The following SETBP1 variants were observed in gnomAD, a reference collection of about 807,000 sequenced individuals.
The protein encoded by SETBP1 is SET-binding protein.
In SETBP1, 9 loss-of-function variants were observed where a neutral mutation model predicts 101.0. The observed-to-expected ratio is 0.09, with a 90% CI of 0.05 to 0.16. SETBP1 has a LOEUF of 0.16. Among genes scored for constraint, SETBP1 ranks in the 10% least tolerant of loss-of-function variants. SETBP1 has a pLI of 1.00. For missense variants in SETBP1, 1,858 were observed against 2,033.8 expected (o/e 0.91, Z 1.66); for synonymous variants, 818 against 788.5 (o/e 1.04, Z -0.63).
intron 2 of SETBP1, among the ~76,000 whole-genome samples, chr18:44,714,339 C>T (rs1441831660): frequency 6.6e-6 from 1 of 152,098 alleles, no homozygotes; most frequent in Non-Finnish European, 1.5e-5. Context: ...GCTGGGACTA[C>T]AGGTGCATGC....
intron 3 of SETBP1, among the ~76,000 whole-genome samples, chr18:44,872,503 T>C (rs2069300308): frequency 1.3e-5 from 2 of 152,290 alleles, no homozygotes; most frequent in South Asian, 2.1e-4. Flanking sequence ...CTTGCACTAG[T>C]TGTTAGTACC....
Position 45,046,139 on chromosome 18 carries a change from G to C in SETBP1, c.4171+7484G>C, listed in dbSNP as rs538837563. Among the ~76,000 whole-genome samples the C allele has an allele frequency of 2.6e-5, 4 of 152,292 alleles. No homozygotes were observed. The East Asian group carries it at 7.7e-4, about 29-fold the overall frequency. Reference sequence around the variant, plus strand: ...ACCTGTGTCCCACAGTGGACCAAAGGATCGCATAGTCCCTGTGGCCAGATC... The same window carrying C: ...ACCTGTGTCCCACAGTGGACCAAAGCATCGCATAGTCCCTGTGGCCAGATC... On this transcript the variant is annotated intron_variant, in intron 5 of 5. Coordinates refer to ENST00000649279, the MANE Select transcript of SETBP1 (RefSeq NM_015559.3).
At chr18:44,857,442 G>T (rs2073000752) in intron 2 of SETBP1, among the ~76,000 whole-genome samples, 1 of 152,200 alleles carries the variant, frequency 6.6e-6, no homozygotes, top group Non-Finnish European at 1.5e-5. Context: ...CATGTTAGAG[G>T]TGGGGAATAT....
At chr18:44,716,829 C>T (rs927134153) in intron 2 of SETBP1, among the ~76,000 whole-genome samples, 2 of 152,184 alleles carry the variant, frequency 1.3e-5, no homozygotes, top group African/African-American at 4.8e-5. Flanking sequence ...TCCGAAAGTG[C>T]TGGGATTATG....
At chr18:45,018,091 C>A (rs910684679) in intron 4 of SETBP1, among the ~76,000 whole-genome samples, 3 of 152,178 alleles carry the variant, frequency 2.0e-5, no homozygotes, top group Admixed American at 1.3e-4. Flanking sequence ...ATTCTAACAT[C>A]TGGGCTACAG....
chr18:44,745,253 T>C (rs1449573664), intron 2 of SETBP1, among the ~76,000 whole-genome samples: 4 of 152,244 alleles, frequency 2.6e-5, no homozygotes, highest in African/African-American at 9.7e-5. Flanking sequence ...CTTGTGTATG[T>C]ACACCTAGGT....
At chr18:44,848,138 CA>C (rs1170632098) in intron 2 of SETBP1, among the ~76,000 whole-genome samples, 1 of 151,392 alleles carries the variant, frequency 6.6e-6, no homozygotes, top group African/African-American at 2.4e-5. Context: ...TTCTATAGTG[CA>C]AGTAACTAGG....
At chr18:44,973,902 G>T (rs2071926423) in intron 4 of SETBP1, among the ~76,000 whole-genome samples, 1 of 152,120 alleles carries the variant, frequency 6.6e-6, no homozygotes, top group Non-Finnish European at 1.5e-5. Context: ...GGGAGTAGGG[G>T]TTAATATTCT....
intron 5 of SETBP1, among the ~76,000 whole-genome samples, chr18:45,046,200 A>C (rs907745987): frequency 1.3e-5 from 2 of 152,216 alleles, no homozygotes; most frequent in African/African-American, 4.8e-5. Context: ...GTGGGCAAAC[A>C]ATAAGTAATT....
intron 4 of SETBP1, among the ~76,000 whole-genome samples, chr18:44,999,526 C>G (rs966433369): frequency 6.6e-6 from 1 of 152,142 alleles, no homozygotes; most frequent in African/African-American, 2.4e-5. Context: ...GGGATATGTT[C>G]AGAGTACATC....
At chr18:44,721,411 T>C (rs963428405) in intron 2 of SETBP1, among the ~76,000 whole-genome samples, 1 of 152,168 alleles carries the variant, frequency 6.6e-6, no homozygotes, top group African/African-American at 2.4e-5. Context: ...ACTTTCTGTA[T>C]ATGAGGCCAG....
chr18:44,702,892 T>G (rs1301179188), intron 2 of SETBP1, among the ~76,000 whole-genome samples: 1 of 152,254 alleles, frequency 6.6e-6, no homozygotes, highest in Non-Finnish European at 1.5e-5. Context: ...GATTGGACAT[T>G]GACTCAACTT....
At chr18:44,919,551 T>C (rs1349448080) in intron 3 of SETBP1, among the ~76,000 whole-genome samples, 5 of 152,000 alleles carry the variant, frequency 3.3e-5, no homozygotes, top group African/African-American at 7.2e-5. Context: ...GGTTTCACCA[T>C]GTTGGCCAGG....
At chr18:44,813,331 GA>G (rs1019829221) in intron 2 of SETBP1, among the ~76,000 whole-genome samples, 1 of 152,160 alleles carries the variant, frequency 6.6e-6, no homozygotes, top group African/African-American at 2.4e-5. Flanking sequence ...CTGGGAAGTA[GA>G]AGGGCTTTTT....
chr18:44,964,231 G>A (rs536715501), intron 4 of SETBP1, among the ~76,000 whole-genome samples: 1 of 152,198 alleles, frequency 6.6e-6, no homozygotes, highest in African/African-American at 2.4e-5. Context: ...TCTAATCACA[G>A]TTTTAAAATT....
At chr18:44,827,799 C>T (rs765456616) in intron 2 of SETBP1, among the ~76,000 whole-genome samples, 2 of 152,180 alleles carry the variant, frequency 1.3e-5, no homozygotes, top group South Asian at 2.1e-4. Flanking sequence ...ACACTCTGCA[C>T]GTGCCACATT....
upstream of SETBP1, chr18:44,680,264 CG>C (rs1447156886): frequency 1.3e-5 from 2 of 148,332 alleles, no homozygotes; most frequent in Non-Finnish European, 3.0e-5. Context: ...GGCCAGCTCG[CG>C]GCTCGCCGTT....
At position 44,760,706 on chromosome 18, in the gene SETBP1, C is replaced by T. The variant is rs553229299; in HGVS notation, c.486+58874C>T. Among the ~76,000 whole-genome samples the T allele has an allele frequency of 2.0e-5, 3 of 152,282 alleles. No homozygotes were observed. The East Asian group carries it at 5.8e-4, about 29-fold the overall frequency. On this transcript the variant is annotated intron_variant, in intron 2 of 5. Coordinates refer to ENST00000649279, the MANE Select transcript of SETBP1 (RefSeq NM_015559.3). ...ATACATTTTTCAGTTATTTTGCAAT[C>T]ACTAGACCTAGAATTTGATTTTTTT... is the stretch of plus-strand genomic sequence containing the variant.
At chr18:44,984,265 A>C (rs1282404292) in intron 4 of SETBP1, among the ~76,000 whole-genome samples, 2 of 152,202 alleles carry the variant, frequency 1.3e-5, no homozygotes, top group African/African-American at 4.8e-5. Context: ...GTTTTGTGGA[A>C]GACAATTTCT....
Sources: allele counts gnomAD v4.1 joint callset (sites outside exome capture counted in the v4.1 genomes callset), GRCh38; gene constraint gnomAD v4.1.1; transcripts MANE v1.5; gene names NCBI Gene and HGNC (gene_info 2026-07-23, HGNC 2026-07-21).